Variants in SYNJ1 observed in about 807,000 individuals in gnomAD.
SYNJ1 encodes polyphosphatidylinositol phosphatase SYNJ1.
In SYNJ1, 78 loss-of-function variants were observed where a neutral mutation model predicts 168.2. That is an observed-to-expected ratio of 0.46 (90% CI 0.39 to 0.56). The LOEUF is 0.56. SYNJ1 is among the 20% of genes least tolerant of loss of function. The pLI, the probability that SYNJ1 is intolerant of heterozygous loss-of-function variation, is 0.00. For synonymous variants in SYNJ1, 539 were observed against 548.6 expected (o/e 0.98, Z 0.24); for missense variants, 1,303 against 1,597.6 (o/e 0.82, Z 3.14).
rs869265580 is a variant in SYNJ1, at chr21:32,631,618, A to AGTATT, written c.*186_*187insAATAC. On this transcript the variant is annotated 3_prime_UTR_variant, in exon 33 of 33. Transcript: ENST00000674351. ...GTTGGCATGCAACTTACAGAACTCAAAACATTACTTTGCGTTGCAGAAGGC... is the reference window on the plus strand; with the variant it reads ...GTTGGCATGCAACTTACAGAACTCAAGTATTAACATTACTTTGCGTTGCAGAAGGC... 5.1e-5 allele frequency: 82 copies of AGTATT among 1,612,994 alleles called. No homozygotes were observed. The African/African-American group carries it at 9.7e-4, about 19-fold the overall frequency.
intron 14 of SYNJ1, chr21:32,670,945 T>C (rs1003715851): frequency 7.3e-5 from 33 of 452,444 alleles, no homozygotes; most frequent in Middle Eastern, 1.1e-3. Context: ...AGAACAGAGC[T>C]GCCTGAGAAA....
chr21:32,709,635 A>G (rs1601505171), intron 2 of SYNJ1, among the ~76,000 whole-genome samples: 1 of 150,578 alleles, frequency 6.6e-6, no homozygotes, highest in East Asian at 2.1e-4. Flanking sequence ...CTCCTGCCTC[A>G]GCCTCTCGAG....
rs1298844024 is a variant in SYNJ1 at position 32,631,261 on chromosome 21, C to T, written c.*544G>A. 6.2e-7 allele frequency: 1 copy of T among 1,614,132 alleles called. No individual in the cohort carries two copies. The highest frequency in any genetic ancestry group is 1.3e-5 in the African/African-American group (1 of 74,944). On this transcript the variant is annotated 3_prime_UTR_variant, in exon 33 of 33. Coordinates refer to ENST00000674351, the MANE Select transcript of SYNJ1 (RefSeq NM_203446.3). Reference sequence around the variant, plus strand: ...CCTTTCACACCAAAATCCTCTTCTTCCTCGAAGGTTACCCATCCTTTCGGG... The same window carrying T: ...CCTTTCACACCAAAATCCTCTTCTTTCTCGAAGGTTACCCATCCTTTCGGG...
At chr21:32,672,134 T>C (rs1318584975) in intron 14 of SYNJ1, among the ~76,000 whole-genome samples, 5 of 150,486 alleles carry the variant, frequency 3.3e-5, no homozygotes, top group Non-Finnish European at 7.4e-5. Context: ...AATAAAAAGT[T>C]TGGGGAGAAT....
intron 17 of SYNJ1, 40 bp from the exon 18 acceptor site, chr21:32,665,111 A>T (rs761559101): frequency 1.7e-5 from 26 of 1,542,560 alleles, no homozygotes; most frequent in Middle Eastern, 1.9e-4. Context: ...CAAAACAATC[A>T]ATGTTCAAAA....
rs1200071596 is a variant in SYNJ1, at chr21:32,727,932, G to A, written c.-23+14C>T. 1.3e-6 allele frequency: 2 copies of A among 1,531,926 alleles called. No homozygotes were observed. The highest frequency in any genetic ancestry group is 2.0e-5 in the Admixed American group (1 of 50,910). The allele number at this position is 1,531,926 out of a possible 1,614,324, so 94.9% of individuals were successfully genotyped here. A position where few individuals can be genotyped will look rare whatever the true frequency, so the allele number is the denominator to read the frequency against. ...TGGCCGCAGCAGCTCCCCGCCCCCC[G>A]CCGGCTTGCTCACCTCTTCCTCCGG... On this transcript the variant is annotated intron_variant, in intron 1 of 32. Transcript: ENST00000674351.
Position 32,645,668 on chromosome 21 carries a change from T to G in SYNJ1, c.3369A>C (p.Pro1123=), listed in dbSNP as rs368850131. 14 of 1,525,352 alleles carry G rather than the reference T, an allele frequency of 9.2e-6. No individual in the cohort carries two copies. Among genetic ancestry groups the G allele is most frequent in the Non-Finnish European group, 1.2e-5 (14 of 1,142,322 alleles). The allele number at this position is 1,525,352 out of a possible 1,614,324, so 94.5% of individuals were successfully genotyped here. Residue 1123 remains proline, a synonymous_variant, in exon 25 of 33, where the codon CCA becomes CCC. Transcript: ENST00000674351. ...PVAPPTRPAP[P]QRPPPPSGAR... is the part of the protein sequence containing the mutation. Reference sequence around the variant, plus strand: ...CACCTGAAGGCGGAGGAGGTCTCTGTGGGGGAGCCGGGCGTGTGGGAGGGG... The same window carrying G: ...CACCTGAAGGCGGAGGAGGTCTCTGGGGGGGAGCCGGGCGTGTGGGAGGGG...
chr21:32,648,573 T>C (rs570950799), intron 23 of SYNJ1, among the ~76,000 whole-genome samples: 3 of 152,326 alleles, frequency 2.0e-5, no homozygotes, highest in Non-Finnish European at 2.9e-5. Context: ...CTAGAAACAA[T>C]TGCCATTGTT....
chr21:32,675,716 T>A (rs775349308), intron 13 of SYNJ1, among the ~76,000 whole-genome samples: 1 of 152,200 alleles, frequency 6.6e-6, no homozygotes, highest in Non-Finnish European at 1.5e-5. Flanking sequence ...AATGAAGACG[T>A]GAGATTCCTA....
At chr21:32,703,932 G>A (rs958148128) in intron 2 of SYNJ1, among the ~76,000 whole-genome samples, 7 of 151,746 alleles carry the variant, frequency 4.6e-5, no homozygotes, top group African/African-American at 1.7e-4. Flanking sequence ...CGTTGCCCAG[G>A]CTGGTTGGAA....
chr21:32,673,385 A>G lies in SYNJ1; in HGVS notation c.1681T>C (p.Trp561Arg). 1 of 1,613,020 alleles carries G rather than the reference A, an allele frequency of 6.2e-7. No homozygotes were observed. The highest frequency in any genetic ancestry group is 8.5e-7 in the Non-Finnish European group (1 of 1,179,564). ...IAFKNQTLTD[W>R]LLDAPKLAGI... ...GCTAACTTGGGTGCATCAAGAAGCC[A>G]GTCAGTGAGTGTCTGATTCTTAAAA... Residue 561 changes from tryptophan (W) to arginine (R), a missense_variant, in exon 14 of 33, where the codon TGG (tryptophan) becomes CGG (arginine). Physicochemically the swap from Trp to Arg is moderately radical, Grantham distance 101. Coordinates refer to ENST00000674351, the MANE Select transcript of SYNJ1 (RefSeq NM_203446.3).
intron 23 of SYNJ1, 136 bp from the exon 24 acceptor site, chr21:32,646,738 G>A: frequency 1.6e-6 from 1 of 642,248 alleles, no homozygotes; most frequent in Non-Finnish European, 2.8e-6. Context: ...CATGGATTAA[G>A]CATGAAGGCA....
At chr21:32,722,176 A>G (rs1601546288) in intron 2 of SYNJ1, among the ~76,000 whole-genome samples, 1 of 138,108 alleles carries the variant, frequency 7.2e-6, no homozygotes, top group East Asian at 2.1e-4. Flanking sequence ...CAAGAATGAA[A>G]CTCCATCTCA....
intron 4 of SYNJ1, among the ~76,000 whole-genome samples, chr21:32,699,096 TG>T (rs1204753222): frequency 9.2e-5 from 14 of 151,996 alleles, no homozygotes; most frequent in African/African-American, 3.4e-4. Flanking sequence ...GAAGGAAAGA[TG>T]GATACACTCA....
Position 32,630,340 on chromosome 21 carries a change from A to G in SYNJ1, c.*1465T>C, listed in dbSNP as rs923938949. ...TGGTGAGATTATTCTAGTTTTGAAA[A>G]CAAAATTAATGAAAGGTCCAAATTA... On this transcript the variant is annotated 3_prime_UTR_variant, in exon 33 of 33. Transcript: ENST00000674351. The G allele has an allele frequency of 1.3e-5, 2 of 152,220 alleles. No homozygotes were observed. Among genetic ancestry groups the G allele is most frequent in the Admixed American group, 6.5e-5 (1 of 15,284 alleles). 9.4% of individuals were successfully genotyped at this position (152,220 alleles called of 1,614,324 possible).
At chr21:32,671,126 T>A (rs1278602333) in intron 14 of SYNJ1, among the ~76,000 whole-genome samples, 1 of 151,938 alleles carries the variant, frequency 6.6e-6, no homozygotes, top group Admixed American at 6.6e-5. Flanking sequence ...CTGGGCAACA[T>A]AGTGAGACCC....
chr21:32,699,141 A>G (rs1024589255), intron 4 of SYNJ1, among the ~76,000 whole-genome samples: 1 of 152,236 alleles, frequency 6.6e-6, no homozygotes, highest in Non-Finnish European at 1.5e-5. Context: ...ATCTCTAGAC[A>G]TAACAACTGC....
chr21:32,726,363 A>G lies in SYNJ1; in HGVS notation c.124+409T>C, dbSNP rs188725787. ...TTCCCTTAATGAAAACACAACGGCC[A>G]TAACAGAAATACTCCAACAATATTG... On this transcript the variant is annotated intron_variant, in intron 2 of 32. Transcript: ENST00000674351. Among the ~76,000 whole-genome samples, 510 of 152,354 alleles carry G rather than the reference A, an allele frequency of 3.3e-3. 1 individual carries two copies. The highest frequency in any genetic ancestry group is 5.4e-3 in the Non-Finnish European group (365 of 68,028).
chr21:32,685,371 G>C lies in SYNJ1; in HGVS notation c.1118+377C>G, dbSNP rs377615950. Among the ~76,000 whole-genome samples the C allele has an allele frequency of 9.6e-5, 14 of 145,270 alleles. No individual in the cohort carries two copies. The East Asian group carries it at 2.9e-3, about 30-fold the overall frequency. On this transcript the variant is annotated intron_variant, in intron 9 of 32. Coordinates refer to ENST00000674351, the MANE Select transcript of SYNJ1 (RefSeq NM_203446.3). ...GGAGGCTGAGGCAGGTGGATCACTTGAGCCCAGGAGTTTGAGCCCAGCCAG... is the reference window on the plus strand; with the variant it reads ...GGAGGCTGAGGCAGGTGGATCACTTCAGCCCAGGAGTTTGAGCCCAGCCAG...
Sources: allele counts gnomAD v4.1 joint callset (sites outside exome capture counted in the v4.1 genomes callset), GRCh38; gene constraint gnomAD v4.1.1; transcripts MANE v1.5; gene names NCBI Gene and HGNC (gene_info 2026-07-23, HGNC 2026-07-21).